The following PGBD2 variants were observed in gnomAD, a reference collection of about 807,000 sequenced individuals.
PGBD2 encodes piggyBac transposable element derived 2.
PGBD2 carries 6 observed loss-of-function variants against 8.1 expected under a neutral mutation model. That is an observed-to-expected ratio of 0.74 (90% CI 0.40 to 1.46). The LOEUF (loss-of-function observed/expected upper bound fraction) is 1.46, where lower values mean the gene tolerates loss of function less well. Ranked by LOEUF, PGBD2 falls within the 40% of genes most tolerant of loss-of-function variation. The pLI is 0.02. For missense variants in PGBD2, 802 were observed against 739.0 expected (o/e 1.09, Z -0.99); for synonymous variants, 318 against 272.2 (o/e 1.17, Z -1.66).
At chr1:248,907,314 C>T (rs1205293525) in intron 1 of PGBD2, among the ~76,000 whole-genome samples, 2 of 152,232 alleles carry the variant, frequency 1.3e-5, no homozygotes, top group Admixed American at 6.5e-5. Flanking sequence ...ACATGTCTTG[C>T]CTCCTGCCAT....
chr1:248,920,507 A>G (rs376126902), downstream of PGBD2, among the ~76,000 whole-genome samples: 100 of 152,248 alleles, frequency 6.6e-4, no homozygotes, highest in African/African-American at 2.2e-3. Context: ...ATAGTATTCC[A>G]TGGTGTATAT....
chr1:248,907,449 C>A (rs967851771), intron 1 of PGBD2, among the ~76,000 whole-genome samples: 8 of 152,232 alleles, frequency 5.3e-5, no homozygotes, highest in African/African-American at 1.9e-4. Context: ...AAGAGGCTTT[C>A]CTCTTTTACT....
chr1:248,919,796 A>C (rs934836229), downstream of PGBD2: 1 of 166,784 alleles, frequency 6.0e-6, no homozygotes, highest in Non-Finnish European at 1.5e-5. Flanking sequence ...CCCGGATGAG[A>C]TATCTCAATG....
chr1:248,892,265 CCCTCCCTCCCTTCCTTCCTT>C, the PGBD2 span, among the ~76,000 whole-genome samples: 179 of 114,910 alleles, frequency 1.6e-3, no homozygotes, highest in African/African-American at 8.3e-3. Context: ...CTCCCTCCCT[CCCTCCCTCCCTTCCTTCCTT>C]CCTTCCTTCC....
chr1:248,916,494 A>T, intron 2 of PGBD2, 108 bp from the exon 3 acceptor site: 1 of 861,938 alleles, frequency 1.2e-6, no homozygotes, highest in African/African-American at 1.7e-5. Flanking sequence ...CAGATCTGTG[A>T]AGCCATTCAA....
At chr1:248,925,949 C>A in the PGBD2 span, among the ~76,000 whole-genome samples, 3 of 152,134 alleles carry the variant, frequency 2.0e-5, no homozygotes, top group Non-Finnish European at 4.4e-5. Context: ...GGCTCACAGG[C>A]TCCACTTCTC....
At chr1:248,903,372 T>C (rs573978152), upstream of PGBD2, among the ~76,000 whole-genome samples, 10 of 149,298 alleles carry the variant, frequency 6.7e-5, no homozygotes, top group African/African-American at 2.2e-4. Context: ...CTAACTTTAA[T>C]GTAGCATAGT....
the PGBD2 span, among the ~76,000 whole-genome samples, chr1:248,873,826 G>A: frequency 2.2e-4 from 34 of 152,334 alleles, no homozygotes; most frequent in South Asian, 3.3e-3. Context: ...CAAGTATGAG[G>A]CTAAGTGAGA....
chr1:248,888,502 G>C, the PGBD2 span, among the ~76,000 whole-genome samples: 1 of 152,180 alleles, frequency 6.6e-6, no homozygotes, highest in Admixed American at 6.5e-5. Flanking sequence ...GATTAGTGAT[G>C]TTGAACTTTT....
chr1:248,909,845 C>T (rs1056169676), intron 1 of PGBD2, among the ~76,000 whole-genome samples: 5 of 152,200 alleles, frequency 3.3e-5, no homozygotes, highest in Admixed American at 1.3e-4. Context: ...TGGACCAGCC[C>T]TCAGGAGTGG....
the PGBD2 span, among the ~76,000 whole-genome samples, chr1:248,884,112 G>A: frequency 1.3e-5 from 2 of 152,006 alleles, no homozygotes; most frequent in East Asian, 3.9e-4. Flanking sequence ...TTGTAATTAG[G>A]TAGAGTCCTA....
At chr1:248,889,928 CT>C in the PGBD2 span, among the ~76,000 whole-genome samples, 5,380 of 135,926 alleles carry the variant, frequency 0.04, 211 homozygotes, top group East Asian at 0.14. Context: ...TTTTTCTTTT[CT>C]TTTTTTTTTT....
chr1:248,898,735 C>A, the PGBD2 span, among the ~76,000 whole-genome samples: 1 of 152,008 alleles, frequency 6.6e-6, no homozygotes, highest in Non-Finnish European at 1.5e-5. Flanking sequence ...ATCATGATGA[C>A]GGGAACAAAT....
upstream of PGBD2, among the ~76,000 whole-genome samples, chr1:248,904,842 T>G (rs1311550222): frequency 6.6e-6 from 1 of 152,240 alleles, no homozygotes. Flanking sequence ...TTTATTTTCT[T>G]CCTAGCACTT....
At chr1:248,911,777 G>T (rs1268802474) in intron 1 of PGBD2, among the ~76,000 whole-genome samples, 1 of 151,560 alleles carries the variant, frequency 6.6e-6, no homozygotes, top group African/African-American at 2.4e-5. Context: ...CCCGGACGGG[G>T]TGGCTGGCCG....
At chr1:248,877,581 G>C in the PGBD2 span, among the ~76,000 whole-genome samples, 18 of 152,154 alleles carry the variant, frequency 1.2e-4, no homozygotes, top group Non-Finnish European at 1.3e-4. Context: ...AACAGGTTAT[G>C]GGAGGGGGAG....
the PGBD2 span, among the ~76,000 whole-genome samples, chr1:248,874,326 C>T: frequency 6.0e-3 from 916 of 152,262 alleles, 15 homozygotes; most frequent in East Asian, 0.044. Context: ...GAAAGTAAGC[C>T]GTTTTAAAAA....
At chr1:248,890,308 A>G in the PGBD2 span, among the ~76,000 whole-genome samples, 2 of 152,102 alleles carry the variant, frequency 1.3e-5, no homozygotes, top group African/African-American at 2.4e-5. Flanking sequence ...TGTTTTCTGA[A>G]ATAAACCTGT....
chr1:248,922,708 A>C (rs1662312140), downstream of PGBD2, among the ~76,000 whole-genome samples: 1 of 152,108 alleles, frequency 6.6e-6, no homozygotes, highest in Admixed American at 6.5e-5. Context: ...GCATCTATAG[A>C]GATAATCATG....
Sources: allele counts gnomAD v4.1 joint callset (sites outside exome capture counted in the v4.1 genomes callset), GRCh38; gene constraint gnomAD v4.1.1; transcripts MANE v1.5; gene names NCBI Gene and HGNC (gene_info 2026-07-23, HGNC 2026-07-21).